Variants in ADAMTS12 observed in about 807,000 individuals in gnomAD.
ADAMTS12 encodes ADAM metallopeptidase with thrombospondin type 1 motif 12.
In ADAMTS12, 118 loss-of-function variants were observed where a neutral mutation model predicts 167.8. That is an observed-to-expected ratio of 0.70 (90% CI 0.61 to 0.82). The LOEUF (loss-of-function observed/expected upper bound fraction) is 0.82, where lower values mean the gene tolerates loss of function less well. Among genes scored for constraint, ADAMTS12 ranks in the 40% least tolerant of loss-of-function variants. ADAMTS12 has a pLI of 0.00. For synonymous variants in ADAMTS12, 704 were observed against 716.9 expected (o/e 0.98, Z 0.29); for missense variants, 1,916 against 1,998.8 (o/e 0.96, Z 0.79).
intron 7 of ADAMTS12, among the ~76,000 whole-genome samples, chr5:33,651,901 A>G (rs1740879951): frequency 6.6e-6 from 1 of 152,052 alleles, no homozygotes; most frequent in African/African-American, 2.4e-5. Context: ...GAGGTATTTG[A>G]TTTTCTAAGT....
intron 22 of ADAMTS12, among the ~76,000 whole-genome samples, chr5:33,539,230 C>T (rs1744566199): frequency 6.6e-6 from 1 of 152,222 alleles, no homozygotes; most frequent in Non-Finnish European, 1.5e-5. Flanking sequence ...GTGTGAGCCA[C>T]CACACCTGGC....
intron 2 of ADAMTS12, among the ~76,000 whole-genome samples, chr5:33,874,500 C>T (rs1477835039): frequency 6.6e-6 from 1 of 152,174 alleles, no homozygotes; most frequent in East Asian, 1.9e-4. Flanking sequence ...AATAGTGCAG[C>T]CACTTTGGAA....
At chr5:33,814,283 A>G (rs10941093) in intron 2 of ADAMTS12, among the ~76,000 whole-genome samples, 134,645 of 152,180 alleles carry the variant, frequency 0.88, 59,695 homozygotes, top group Non-Finnish European at 0.9. Flanking sequence ...TATGAGATAG[A>G]GGTTGAGATT....
At chr5:33,532,239 T>G (rs575157436) in intron 23 of ADAMTS12, among the ~76,000 whole-genome samples, 1 of 152,184 alleles carries the variant, frequency 6.6e-6, no homozygotes, top group Admixed American at 6.5e-5. Context: ...AATTTCAATG[T>G]TGTTGACAAA....
rs560680162 is a variant in ADAMTS12, at chr5:33,562,750, GC to G, written c.3973-1572del. 6.1e-4 allele frequency among the ~76,000 whole-genome samples: 92 copies of G among 151,928 alleles called. 1 individual carries two copies. Among genetic ancestry groups the G allele is most frequent in the African/African-American group, 2.2e-3 (91 of 41,424 alleles). On this transcript the variant is annotated intron_variant, in intron 19 of 23. Transcript: ENST00000504830. Reference sequence around the variant, plus strand: ...AAGTTCAAGCAATTCTCCTGCCCCAGCCACCTAACTAGCTGGAATTACAGGT... The same window carrying G: ...AAGTTCAAGCAATTCTCCTGCCCCAGCACCTAACTAGCTGGAATTACAGGT...
chr5:33,869,304 A>T (rs976557048), intron 2 of ADAMTS12, among the ~76,000 whole-genome samples: 3 of 152,138 alleles, frequency 2.0e-5, no homozygotes, highest in African/African-American at 7.2e-5. Flanking sequence ...TTATGCCTGC[A>T]GGTGCACAGA....
Position 33,546,041 on chromosome 5 carries a change from T to A in ADAMTS12, c.4446+18A>T. 1 of 1,578,332 alleles carries A rather than the reference T, an allele frequency of 6.3e-7. No individual in the cohort carries two copies. On this transcript the variant is annotated intron_variant, in intron 22 of 23. Transcript: ENST00000504830. ...AAAAAAAGCTAAAGTAAAAAAAGTA[T>A]GTATAACCAAGTCTTACCAGGTCCC...
chr5:33,640,265 A>C (rs567350608), intron 11 of ADAMTS12, among the ~76,000 whole-genome samples: 1 of 152,348 alleles, frequency 6.6e-6, no homozygotes, highest in East Asian at 1.9e-4. Flanking sequence ...CCACTCACCC[A>C]AAGAGACTCT....
chr5:33,752,390 C>T (rs897123396), intron 2 of ADAMTS12, among the ~76,000 whole-genome samples: 1 of 152,180 alleles, frequency 6.6e-6, no homozygotes, highest in African/African-American at 2.4e-5. Context: ...CTTGGGGCAT[C>T]ACATTAAAGT....
At chr5:33,764,143 G>A (rs775311560) in intron 2 of ADAMTS12, among the ~76,000 whole-genome samples, 4 of 151,258 alleles carry the variant, frequency 2.6e-5, no homozygotes, top group South Asian at 2.1e-4. Flanking sequence ...CCTCAAACAC[G>A]CTCGTCTACA....
At chr5:33,562,388 C>T (rs868849729) in intron 19 of ADAMTS12, among the ~76,000 whole-genome samples, 1 of 152,164 alleles carries the variant, frequency 6.6e-6, no homozygotes, top group African/African-American at 2.4e-5. Flanking sequence ...ATGAAAATGT[C>T]CATCACAAAA....
chr5:33,614,216 A>G (rs1392956327), intron 16 of ADAMTS12, 22 bp downstream of exon 16: 5 of 1,611,072 alleles, frequency 3.1e-6, no homozygotes, highest in African/African-American at 2.7e-5. Context: ...ATGGCTTCAT[A>G]GTGAGAGCAG....
rs1183779334 is a variant in ADAMTS12 at position 33,524,718 on chromosome 5, A to T, written c.*2470T>A. 1 of 152,268 alleles carries T rather than the reference A, an allele frequency of 6.6e-6. No individual in the cohort carries two copies. Among genetic ancestry groups the T allele is most frequent in the Non-Finnish European group, 1.5e-5 (1 of 68,044 alleles). The allele number at this position is 152,268 out of a possible 1,614,324, so 9.4% of individuals were successfully genotyped here. On this transcript the variant is annotated 3_prime_UTR_variant, in exon 24 of 24. Transcript: ENST00000504830. ...AGATGATACCAACAGGACAGAAAAC[A>T]GCAAGCCCTGTCTTCATTCTGGAGT...
intron 2 of ADAMTS12, among the ~76,000 whole-genome samples, chr5:33,769,536 C>T (rs1183537672): frequency 6.6e-6 from 1 of 152,192 alleles, no homozygotes. Flanking sequence ...ATTTTATTCA[C>T]TTACATCAAT....
chr5:33,809,614 C>T lies in ADAMTS12; in HGVS notation c.490-58066G>A, dbSNP rs1747372313. Among the ~76,000 whole-genome samples, 3 of 152,094 alleles carry T rather than the reference C, an allele frequency of 2.0e-5. No individual in the cohort carries two copies. In the South Asian group the frequency reaches 6.2e-4, roughly 32 times the overall value. On this transcript the variant is annotated intron_variant, in intron 2 of 23. Coordinates refer to ENST00000504830, the MANE Select transcript of ADAMTS12 (RefSeq NM_030955.4). ...TTCTGAAAATTATCAGTCACTACTC[C>T]CTGCAATATGGCCTTATGGATCTTG...
At chr5:33,757,034 G>T (rs1056925750) in intron 2 of ADAMTS12, among the ~76,000 whole-genome samples, 1 of 152,096 alleles carries the variant, frequency 6.6e-6, no homozygotes, top group Non-Finnish European at 1.5e-5. Flanking sequence ...GGCAGTTAGT[G>T]GCTCCAATAT....
At position 33,619,398 on chromosome 5, in the gene ADAMTS12, AT is replaced by A. The variant is rs370759202; in HGVS notation, c.2144-3327del. 3.5e-4 allele frequency among the ~76,000 whole-genome samples: 53 copies of A among 152,154 alleles called. No individual in the cohort carries two copies. In the East Asian group the frequency reaches 0.01, roughly 29 times the overall value. ...TTTACTAGTAAAAGTCCTTTTTAGC[AT>A]TTTTGCCCCACAATAGGGCACTTTC... On this transcript the variant is annotated intron_variant, in intron 14 of 23. Transcript: ENST00000504830.
At chr5:33,598,914 G>A (rs889991638) in intron 16 of ADAMTS12, among the ~76,000 whole-genome samples, 3 of 152,144 alleles carry the variant, frequency 2.0e-5, no homozygotes, top group African/African-American at 7.2e-5. Context: ...AAAAGGCCAA[G>A]CAACTTCATC....
chr5:33,738,068 A>G (rs1362497139), intron 3 of ADAMTS12, among the ~76,000 whole-genome samples: 1 of 152,206 alleles, frequency 6.6e-6, no homozygotes, highest in Non-Finnish European at 1.5e-5. Context: ...GGCTCACCCA[A>G]CTACAGAATC....
Sources: gnomAD v4.1 joint callset for allele counts (sites outside exome capture counted in the v4.1 genomes callset) on GRCh38, gnomAD v4.1.1 for gene constraint, MANE v1.5 for transcripts, NCBI Gene and HGNC (gene_info 2026-07-23, HGNC 2026-07-21) for gene names.